The following CEP95 variants were observed in gnomAD, a reference collection of about 807,000 sequenced individuals.
CEP95 encodes centrosomal protein 95, also known as centrosomal protein of 95 kDa.
A neutral mutation model predicts 111.2 loss-of-function variants in CEP95; 98 were observed. The observed-to-expected ratio is 0.88, with a 90% CI of 0.75 to 1.04. The LOEUF (loss-of-function observed/expected upper bound fraction) is 1.04, where lower values mean the gene tolerates loss of function less well. Among genes scored for constraint, CEP95 ranks in the 50% least tolerant of loss-of-function variants. The probability of loss-of-function intolerance (pLI) is 0.00; values close to 1 mark genes in which losing one functional copy is unlikely to be tolerated. For synonymous variants in CEP95, 323 were observed against 327.1 expected (o/e 0.99, Z 0.14); for missense variants, 1,027 against 977.2 (o/e 1.05, Z -0.68).
chr17:64,510,076 A>T, intron 2 of CEP95, 97 bp from the exon 3 acceptor site: 1 of 692,202 alleles, frequency 1.4e-6, no homozygotes, highest in Non-Finnish European at 2.6e-6. Flanking sequence ...CAGAGCCTTT[A>T]TAGCAGTTGA....
intron 5 of CEP95, among the ~76,000 whole-genome samples, chr17:64,518,462 C>G (rs1185252697): frequency 6.6e-6 from 1 of 152,176 alleles, no homozygotes; most frequent in African/African-American, 2.4e-5. Flanking sequence ...GTTACAGGAC[C>G]TTCATGAGCC....
In CEP95 at chr17:64,537,917, G is replaced by A. The variant is rs1968768591; in HGVS notation, c.*138G>A. 6.5e-6 allele frequency: 3 copies of A among 461,386 alleles called. No individual in the cohort carries two copies. The highest frequency in any genetic ancestry group is 7.0e-5 in the East Asian group (2 of 28,588). The allele number at this position is 461,386 out of a possible 1,614,324, so 28.6% of individuals were successfully genotyped here. A position where few individuals can be genotyped will look rare whatever the true frequency, so the allele number is the denominator to read the frequency against. ...GTATTTTCATTCCAGTACTTTTTAT[G>A]ATTTTTTAAATAAAAATTGTTTTCT... On this transcript the variant is annotated 3_prime_UTR_variant, in exon 20 of 20. Transcript: ENST00000556440.
At position 64,507,288 on chromosome 17, in the gene CEP95, G is replaced by C; in HGVS notation, c.19+172G>C. 4.1e-6 allele frequency: 6 copies of C among 1,468,646 alleles called. No homozygotes were observed. The South Asian group carries it at 7.0e-5, about 17-fold the overall frequency. 91.0% of individuals were successfully genotyped at this position (1,468,646 alleles called of 1,614,324 possible). A position where few individuals can be genotyped will look rare whatever the true frequency, so the allele number is the denominator to read the frequency against. ...GGTCTCTCAGCTTCACCACCTCTTC[G>C]CTTCGAGGCCGTGGAACAGCAGTAT... is the stretch of plus-strand genomic sequence containing the variant. On this transcript the variant is annotated intron_variant, in intron 1 of 19. Transcript: ENST00000556440.
intron 1 of CEP95, 100 bp from the exon 2 acceptor site, chr17:64,508,492 T>C: frequency 8.2e-7 from 1 of 1,216,778 alleles, no homozygotes; most frequent in Non-Finnish European, 1.0e-6. Context: ...AAGTTCAGTG[T>C]CTGTTTTTGT....
chr17:64,536,499 G>GT (rs1555681550), intron 17 of CEP95, 103 bp from the exon 18 acceptor site: 28 of 757,470 alleles, frequency 3.7e-5, no homozygotes, highest in Non-Finnish European at 2.1e-6. Context: ...AATAAAACTA[G>GT]TATTTAAAAA....
chr17:64,517,432 C>T (rs532417160), intron 5 of CEP95, among the ~76,000 whole-genome samples: 21 of 152,226 alleles, frequency 1.4e-4, no homozygotes, highest in Admixed American at 8.5e-4. Context: ...AAATCTATTC[C>T]GAACTAAATA....
chr17:64,508,489 G>A (rs2038704163), intron 1 of CEP95, 103 bp from the exon 2 acceptor site: 1 of 1,215,264 alleles, frequency 8.2e-7, no homozygotes, highest in Non-Finnish European at 1.0e-6. Context: ...GCAAAGTTCA[G>A]TGTCTGTTTT....
At chr17:64,508,756 A>G (rs782673291) in intron 2 of CEP95, 36 bp downstream of exon 2, 8 of 1,209,172 alleles carry the variant, frequency 6.6e-6, no homozygotes, top group South Asian at 2.8e-5. Context: ...TTTTGCCTAT[A>G]TCTTAGGCCA....
chr17:64,519,412 C>T lies in CEP95; in HGVS notation c.565C>T (p.His189Tyr), dbSNP rs782325750. 15 of 1,613,120 alleles carry T rather than the reference C, an allele frequency of 9.3e-6. No homozygotes were observed. The Admixed American group carries it at 1.2e-4, about 13-fold the overall frequency. ...AATCATTAGACTTGGAGACACAGCACACACCTTTTCTCTAAGAAGTAATGG... is the reference window on the plus strand; with the variant it reads ...AATCATTAGACTTGGAGACACAGCATACACCTTTTCTCTAAGAAGTAATGG... ...GEIIRLGDTA[H>Y]TFSLRSNGAQ... Residue 189 changes from histidine to tyrosine, a missense_variant, in exon 6 of 20, where the codon CAC becomes TAC. His to Tyr is a moderately conservative substitution (Grantham distance 83, BLOSUM62 2). Coordinates refer to ENST00000556440, the MANE Select transcript of CEP95 (RefSeq NM_138363.3).
chr17:64,516,985 A>C (rs1966907437), intron 5 of CEP95, among the ~76,000 whole-genome samples, 157 bp downstream of exon 5: 1 of 152,224 alleles, frequency 6.6e-6, no homozygotes, highest in South Asian at 2.1e-4. Context: ...GAGTTTTAAG[A>C]ACCTTGAGTT....
In CEP95 at chr17:64,533,107, C is replaced by G; in HGVS notation, c.1843-10C>G. ...TTATTAACCTACTTAACTTCATGTC[C>G]CCCTTCAAGATAGAAGAAGCCCTAA... On this transcript the variant is annotated splice_polypyrimidine_tract_variant and intron_variant, in intron 15 of 19. Coordinates refer to ENST00000556440, the MANE Select transcript of CEP95 (RefSeq NM_138363.3). The G allele has an allele frequency of 6.2e-7, 1 of 1,606,524 alleles. No homozygotes were observed. The highest frequency in any genetic ancestry group is 8.5e-7 in the Non-Finnish European group (1 of 1,177,564).
At chr17:64,509,214 C>G (rs976713750) in intron 2 of CEP95, among the ~76,000 whole-genome samples, 1 of 152,210 alleles carries the variant, frequency 6.6e-6, no homozygotes, top group Non-Finnish European at 1.5e-5. Flanking sequence ...TATGTCCTTT[C>G]ATCTTGCTCA....
At chr17:64,511,577 G>T (rs575947704) in intron 3 of CEP95, among the ~76,000 whole-genome samples, 1 of 152,034 alleles carries the variant, frequency 6.6e-6, no homozygotes, top group Admixed American at 6.5e-5. Flanking sequence ...TTTTTTCAAG[G>T]TGCCCAGATT....
chr17:64,525,618 G>C (rs1002490457), intron 8 of CEP95, among the ~76,000 whole-genome samples, 152 bp from the exon 9 acceptor site: 3 of 152,232 alleles, frequency 2.0e-5, no homozygotes, highest in Non-Finnish European at 4.4e-5. Context: ...GGTGCACTGG[G>C]TGTCAATAGG....
chr17:64,534,666 C>T lies in CEP95; in HGVS notation c.1999C>T (p.Arg667Ter), dbSNP rs782676364. The change falls in exon 17 of 20, where the codon CGA (arginine) becomes TGA (stop). Residue 667 changes from arginine (R) to a stop codon, truncating the protein, a stop_gained. Coordinates refer to ENST00000556440, the MANE Select transcript of CEP95 (RefSeq NM_138363.3). LOFTEE classifies it high-confidence loss of function. ...KENRQQIVRA[R>*]KYYDDYRVQL... ...AAATCGACAGCAAATCGTTCGTGCTCGAAAATATTATGATGATTATAGAGT... is the reference window on the plus strand; with the variant it reads ...AAATCGACAGCAAATCGTTCGTGCTTGAAAATATTATGATGATTATAGAGT... The T allele has an allele frequency of 2.1e-5, 34 of 1,613,266 alleles. No individual in the cohort carries two copies. The highest frequency in any genetic ancestry group is 8.9e-5 in the East Asian group (4 of 44,846).
intron 5 of CEP95, among the ~76,000 whole-genome samples, chr17:64,517,527 C>T (rs529937334): frequency 6.6e-6 from 1 of 151,798 alleles, no homozygotes; most frequent in Non-Finnish European, 1.5e-5. Context: ...TATATAATTT[C>T]GTTGCCTGCC....
chr17:64,537,294 G>C, intron 19 of CEP95, 182 bp downstream of exon 19: 1 of 1,403,464 alleles, frequency 7.1e-7, no homozygotes, highest in Non-Finnish European at 9.4e-7. Flanking sequence ...ATCATTTAAT[G>C]ATGCATTTCT....
intron 3 of CEP95, among the ~76,000 whole-genome samples, chr17:64,512,348 C>A (rs1162571768): frequency 2.0e-5 from 3 of 152,170 alleles, no homozygotes; most frequent in Non-Finnish European, 4.4e-5. Flanking sequence ...TCAGTGTATA[C>A]TTTTTGCACT....
intron 18 of CEP95, 65 bp from the exon 19 acceptor site, chr17:64,536,976 A>C: frequency 1.4e-6 from 2 of 1,442,680 alleles, no homozygotes; most frequent in Non-Finnish European, 1.9e-6. Flanking sequence ...GTGAACATTA[A>C]GAAATGTTAC....
Sources: gnomAD v4.1 joint callset for allele counts (sites outside exome capture counted in the v4.1 genomes callset) on GRCh38, gnomAD v4.1.1 for gene constraint, MANE v1.5 for transcripts, NCBI Gene and HGNC (gene_info 2026-07-23, HGNC 2026-07-21) for gene names.